ZBTB20: variants seen among roughly 807,000 people sequenced by gnomAD.
The protein encoded by ZBTB20 is zinc finger and BTB domain containing 20.
A neutral mutation model predicts 56.9 loss-of-function variants in ZBTB20; 9 were observed. The ratio of observed to expected loss-of-function variants is 0.16; its 90% CI spans 0.10 to 0.28. The LOEUF (loss-of-function observed/expected upper bound fraction) is 0.28, where lower values mean the gene tolerates loss of function less well. Among genes scored for constraint, ZBTB20 ranks in the 10% least tolerant of loss-of-function variants. The probability of loss-of-function intolerance (pLI) is 1.00; values close to 1 mark genes in which losing one functional copy is unlikely to be tolerated. For synonymous variants in ZBTB20, 417 were observed against 420.7 expected, an observed-to-expected ratio of 0.99 and a Z score of 0.11; for missense variants, 655 against 1,003.0, an observed-to-expected ratio of 0.65 and a Z score of 4.69.
At chr3:114,421,806 G>GGT (rs1465907411) in intron 7 of ZBTB20, among the ~76,000 whole-genome samples, 4 of 41,594 alleles carry the variant, frequency 9.6e-5, no homozygotes, top group African/African-American at 1.7e-4. Context: ...TAAGACTACA[G>GGT]ATTTTTTTTT....
intron 5 of ZBTB20, among the ~76,000 whole-genome samples, chr3:114,753,304 ATATAATGTATATATGTATACCTGTAT>A: frequency 6.9e-6 from 1 of 143,970 alleles, no homozygotes; most frequent in Non-Finnish European, 1.5e-5. Flanking sequence ...ATACCTGTAT[ATATAATGTATATATGTATACCTGTAT>A]ATATAATGTA....
chr3:114,753,425 A>G (rs2067754937), intron 5 of ZBTB20, among the ~76,000 whole-genome samples: 1 of 143,162 alleles, frequency 7.0e-6, no homozygotes, highest in Non-Finnish European at 1.5e-5. Flanking sequence ...ATATATATAT[A>G]TATATATACA....
intron 5 of ZBTB20, among the ~76,000 whole-genome samples, chr3:114,700,905 T>G (rs923452489): frequency 6.6e-6 from 1 of 152,198 alleles, no homozygotes; most frequent in African/African-American, 2.4e-5. Context: ...TAGGCTGAAA[T>G]GCAGCCCCAA....
intron 7 of ZBTB20, among the ~76,000 whole-genome samples, chr3:114,406,141 A>G (rs758439801): frequency 2.0e-5 from 3 of 152,166 alleles, no homozygotes; most frequent in Non-Finnish European, 1.5e-5. Flanking sequence ...CTTAGCTGTC[A>G]TTGTAGCACA....
intron 2 of ZBTB20, among the ~76,000 whole-genome samples, chr3:114,979,040 G>A (rs931542253): frequency 4.0e-5 from 6 of 151,736 alleles, no homozygotes; most frequent in South Asian, 2.1e-4. Context: ...TCGTGAGGAA[G>A]GGAAGAGAAC....
At chr3:115,135,667 G>A (rs990061710) in intron 1 of ZBTB20, among the ~76,000 whole-genome samples, 1 of 152,138 alleles carries the variant, frequency 6.6e-6, no homozygotes, top group South Asian at 2.1e-4. Flanking sequence ...GAAAAAGTAT[G>A]TCAGCTATTT....
intron 7 of ZBTB20, among the ~76,000 whole-genome samples, chr3:114,491,790 T>C (rs1328097089): frequency 6.6e-6 from 1 of 152,032 alleles, no homozygotes; most frequent in Non-Finnish European, 1.5e-5. Context: ...CAGTAGCTCA[T>C]TTTCCTTTCC....
chr3:114,741,283 C>T (rs557392828), intron 5 of ZBTB20, among the ~76,000 whole-genome samples: 4 of 152,228 alleles, frequency 2.6e-5, no homozygotes, highest in African/African-American at 9.6e-5. Context: ...TACAAAAATT[C>T]CCAAATAGGC....
rs945712304 is a variant in ZBTB20, at chr3:114,350,470, C to T, written c.1608G>A (p.Gln536=). 6.2e-7 allele frequency: 1 copy of T among 1,613,950 alleles called. No homozygotes were observed. Among genetic ancestry groups the T allele is most frequent in the Admixed American group, 1.7e-5 (1 of 59,994 alleles). ...GCTGGGACACTGTCACAAACTGGGT[C>T]TGCTGGCCTGCCAGGGGCTGTGGCA... ...FSLPQPLAGQ[Q]TQFVTVSQPG... The change falls in exon 11 of 12, where the codon CAG becomes CAA. Residue 536 remains glutamine, a synonymous_variant. Transcript: ENST00000675478.
chr3:114,380,978 G>A (rs756929486), intron 8 of ZBTB20, 38 bp from the exon 9 acceptor site: 34 of 389,634 alleles, frequency 8.7e-5, no homozygotes, highest in East Asian at 3.6e-4. Flanking sequence ...GGCCTTAAAG[G>A]TTCCTTCCAA....
At chr3:115,129,301 C>T (rs1397562958) in intron 1 of ZBTB20, among the ~76,000 whole-genome samples, 1 of 152,162 alleles carries the variant, frequency 6.6e-6, no homozygotes, top group East Asian at 1.9e-4. Context: ...TATATTTAGA[C>T]TTAGACACAT....
chr3:114,444,003 A>C (rs1347115101), intron 7 of ZBTB20, among the ~76,000 whole-genome samples: 1 of 152,210 alleles, frequency 6.6e-6, no homozygotes, highest in Admixed American at 6.5e-5. Context: ...GTAGAAATAA[A>C]GGAGGCAGAA....
intron 11 of ZBTB20, among the ~76,000 whole-genome samples, chr3:114,345,466 A>G (rs1487471662): frequency 6.6e-6 from 1 of 152,258 alleles, no homozygotes; most frequent in East Asian, 1.9e-4. Context: ...TTTCTGTGAT[A>G]TAATTTATCC....
intron 2 of ZBTB20, among the ~76,000 whole-genome samples, chr3:115,028,870 C>T (rs1414548831): frequency 1.3e-5 from 2 of 150,654 alleles, no homozygotes; most frequent in East Asian, 3.9e-4. Flanking sequence ...GACACTACAC[C>T]TAATGGTGAA....
At chr3:114,982,002 C>A (rs376532694) in intron 2 of ZBTB20, among the ~76,000 whole-genome samples, 1 of 151,968 alleles carries the variant, frequency 6.6e-6, no homozygotes. Context: ...CTGGCCCCAC[C>A]TTTGTGCAGC....
chr3:114,731,760 G>A (rs1235317512), intron 5 of ZBTB20, among the ~76,000 whole-genome samples: 2 of 151,498 alleles, frequency 1.3e-5, no homozygotes, highest in South Asian at 2.1e-4. Context: ...TAACTAACCC[G>A]GCTGTACCTA....
At chr3:114,431,274 T>G (rs2090098938) in intron 7 of ZBTB20, among the ~76,000 whole-genome samples, 1 of 152,064 alleles carries the variant, frequency 6.6e-6, no homozygotes, top group Non-Finnish European at 1.5e-5. Flanking sequence ...TCTCCATGGA[T>G]GAAGAGTCTC....
intron 7 of ZBTB20, among the ~76,000 whole-genome samples, chr3:114,420,486 C>T (rs995635359): frequency 1.3e-5 from 2 of 152,104 alleles, no homozygotes; most frequent in Non-Finnish European, 2.9e-5. Context: ...GTGTCTTGCC[C>T]GCCTGTGCAC....
At chr3:114,890,412 T>C (rs2076762284) in intron 4 of ZBTB20, among the ~76,000 whole-genome samples, 1 of 152,114 alleles carries the variant, frequency 6.6e-6, no homozygotes, top group African/African-American at 2.4e-5. Flanking sequence ...CAGAAACACA[T>C]GGGAGATCTA....
Sources: allele counts gnomAD v4.1 joint callset (sites outside exome capture counted in the v4.1 genomes callset), GRCh38; gene constraint gnomAD v4.1.1; transcripts MANE v1.5; gene names NCBI Gene and HGNC (gene_info 2026-07-23, HGNC 2026-07-21).